Variants in PPP1R3A observed in about 807,000 individuals in gnomAD.
The protein encoded by PPP1R3A is protein phosphatase 1 regulatory subunit 3A.
PPP1R3A carries 29 observed loss-of-function variants against 41.7 expected under a neutral mutation model. The ratio of observed to expected loss-of-function variants is 0.70; its 90% CI spans 0.52 to 0.95. The LOEUF (loss-of-function observed/expected upper bound fraction) is 0.95, where lower values mean the gene tolerates loss of function less well. Among genes scored for constraint, PPP1R3A ranks in the 40% least tolerant of loss-of-function variants. The probability of loss-of-function intolerance (pLI) is 0.00; values close to 1 mark genes in which losing one functional copy is unlikely to be tolerated. For missense variants in PPP1R3A, 1,352 were observed against 1,292.4 expected, an observed-to-expected ratio of 1.05 and a Z score of -0.71; for synonymous variants, 485 against 453.4, an observed-to-expected ratio of 1.07 and a Z score of -0.89.
At chr7:113,915,573 A>G (rs1453479816) in intron 1 of PPP1R3A, among the ~76,000 whole-genome samples, 3 of 148,636 alleles carry the variant, frequency 2.0e-5, no homozygotes, top group African/African-American at 7.4e-5. Flanking sequence ...ATATACATAT[A>G]TACATACATA....
intron 1 of PPP1R3A, among the ~76,000 whole-genome samples, chr7:113,887,989 TTG>T (rs1457842642): frequency 2.0e-5 from 3 of 151,616 alleles, no homozygotes; most frequent in African/African-American, 4.8e-5. Context: ...GATTGTGCCA[TTG>T]CACTGCAGTC....
chr7:113,918,198 G>A lies in PPP1R3A; in HGVS notation c.782+17C>T, dbSNP rs1408085489. On this transcript the variant is annotated intron_variant, in intron 1 of 3. Coordinates refer to ENST00000284601, the MANE Select transcript of PPP1R3A (RefSeq NM_002711.4). ...TTTAAGATTGTGAATAATAAAATAT[G>A]TAAGATATATCCTCACCTTGATTTT... 1 of 1,569,722 alleles carries A rather than the reference G, an allele frequency of 6.4e-7. No individual in the cohort carries two copies. Among genetic ancestry groups the A allele is most frequent in the East Asian group, 2.2e-5 (1 of 44,522 alleles).
chr7:113,915,255 G>C (rs1372587681), intron 1 of PPP1R3A, among the ~76,000 whole-genome samples: 1 of 151,990 alleles, frequency 6.6e-6, no homozygotes, highest in Non-Finnish European at 1.5e-5. Flanking sequence ...AATCTCCATA[G>C]AGAAAACATA....
intron 1 of PPP1R3A, among the ~76,000 whole-genome samples, chr7:113,900,522 C>A (rs922005487): frequency 4.6e-5 from 7 of 150,944 alleles, no homozygotes; most frequent in African/African-American, 7.3e-5. Context: ...CTTTCAGAAT[C>A]ATCAATTTCC....
chr7:113,891,084 CA>C (rs11342726), intron 1 of PPP1R3A, among the ~76,000 whole-genome samples: 44,390 of 80,192 alleles, frequency 0.55, 8,034 homozygotes, highest in South Asian at 0.65. Flanking sequence ...GGAAAAAAAG[CA>C]AAAAAAAAAA....
At chr7:113,881,413 C>T (rs1796694029) in intron 3 of PPP1R3A, among the ~76,000 whole-genome samples, 1 of 151,990 alleles carries the variant, frequency 6.6e-6, no homozygotes, top group South Asian at 2.1e-4. Context: ...GATAAAAGTG[C>T]TGTATAAACC....
In PPP1R3A at chr7:113,917,438, A is replaced by AT. The variant is rs1797358790; in HGVS notation, c.782+776dup. Among the ~76,000 whole-genome samples the AT allele has an allele frequency of 2.6e-5, 4 of 152,108 alleles. No homozygotes were observed. In the East Asian group the frequency reaches 5.8e-4, roughly 22 times the overall value. On this transcript the variant is annotated intron_variant, in intron 1 of 3. Coordinates refer to ENST00000284601, the MANE Select transcript of PPP1R3A (RefSeq NM_002711.4). The stretch of plus-strand genomic sequence containing the variant: ...AGACAGCTGAATGCCAGTTTTTCTT[A>AT]TTTTTCACATTAACAAGAGAGTAAG...
chr7:113,889,305 A>G (rs1796838995), intron 1 of PPP1R3A, among the ~76,000 whole-genome samples: 1 of 152,172 alleles, frequency 6.6e-6, no homozygotes, highest in Non-Finnish European at 1.5e-5. Context: ...ATGCTTTGCT[A>G]CTATTTACAT....
chr7:113,888,269 C>T lies in PPP1R3A; in HGVS notation c.783-5949G>A, dbSNP rs552069050. Among the ~76,000 whole-genome samples, 9 of 152,078 alleles carry T rather than the reference C, an allele frequency of 5.9e-5. No individual in the cohort carries two copies. In the East Asian group the frequency reaches 1.4e-3, roughly 23 times the overall value. On this transcript the variant is annotated intron_variant, in intron 1 of 3. Transcript: ENST00000284601. ...ACGTGGTCAGATTTACATTTACCAA[C>T]GTATTTCTGGAGGTAATGTAGAGGA...
At chr7:113,881,115 G>A (rs933413214) in intron 3 of PPP1R3A, among the ~76,000 whole-genome samples, 3 of 152,044 alleles carry the variant, frequency 2.0e-5, no homozygotes, top group African/African-American at 7.2e-5. Context: ...TTCAGCTGGT[G>A]AGAATTCTCA....
intron 1 of PPP1R3A, among the ~76,000 whole-genome samples, chr7:113,913,727 C>A (rs1467403859): frequency 6.6e-6 from 1 of 152,074 alleles, no homozygotes; most frequent in Non-Finnish European, 1.5e-5. Flanking sequence ...AGGGAGACCA[C>A]CCCCCAGGCC....
Position 113,878,175 on chromosome 7 carries a change from G to A in PPP1R3A, c.2917C>T (p.Pro973Ser). The A allele has an allele frequency of 6.2e-7, 1 of 1,613,158 alleles. No homozygotes were observed. Among genetic ancestry groups the A allele is most frequent in the Non-Finnish European group, 8.5e-7 (1 of 1,179,592 alleles). ...CCTGAACTTCTGGAAACTTCTTCAG[G>A]TTTAGACTCAGGATAAGGGTGCTTC... ...IEKHPYPESK[P>S]EEVSRSSGIV... Residue 973 changes from proline (P) to serine (S), a missense_variant, in exon 4 of 4, where the codon CCT (proline) becomes TCT (serine). Pro to Ser is a moderately conservative substitution (Grantham distance 74, BLOSUM62 -1). Coordinates refer to ENST00000284601, the MANE Select transcript of PPP1R3A (RefSeq NM_002711.4).
At chr7:113,916,578 G>A (rs567023116) in intron 1 of PPP1R3A, among the ~76,000 whole-genome samples, 1 of 152,092 alleles carries the variant, frequency 6.6e-6, no homozygotes, top group South Asian at 2.1e-4. Context: ...AGAAAAATCC[G>A]CTGAGTTCAA....
chr7:113,881,541 C>T (rs937275935), intron 3 of PPP1R3A, among the ~76,000 whole-genome samples: 3 of 151,892 alleles, frequency 2.0e-5, no homozygotes, highest in African/African-American at 7.3e-5. Context: ...ATGGCACAGG[C>T]TATTTTCTTT....
intron 1 of PPP1R3A, among the ~76,000 whole-genome samples, chr7:113,900,666 A>G (rs1797046830): frequency 6.7e-6 from 1 of 148,664 alleles, no homozygotes; most frequent in Non-Finnish European, 1.5e-5. Flanking sequence ...TACATATTAT[A>G]TATAGCACTT....
intron 1 of PPP1R3A, among the ~76,000 whole-genome samples, chr7:113,895,784 A>G (rs59646835): frequency 0.15 from 22,248 of 151,906 alleles, 2,147 homozygotes; most frequent in East Asian, 0.31. Context: ...ATTAAACTGG[A>G]TTTGTATTTA....
intron 3 of PPP1R3A, 82 bp downstream of exon 3, chr7:113,881,957 C>T: frequency 5.3e-6 from 8 of 1,508,554 alleles, no homozygotes; most frequent in Non-Finnish European, 7.4e-6. Flanking sequence ...TTAGTTGAAG[C>T]TATTGAAAGG....
Position 113,879,273 on chromosome 7 carries a change from C to T in PPP1R3A, c.1819G>A (p.Gly607Ser), listed in dbSNP as rs1437902068. 2 of 1,613,556 alleles carry T rather than the reference C, an allele frequency of 1.2e-6. No individual in the cohort carries two copies. Among genetic ancestry groups the T allele is most frequent in the African/African-American group, 2.7e-5 (2 of 74,876 alleles). Residue 607 changes from glycine to serine, a missense_variant, in exon 4 of 4, where the codon GGC (glycine) becomes AGC (serine). Coordinates refer to ENST00000284601, the MANE Select transcript of PPP1R3A (RefSeq NM_002711.4). ...TPEHHHLTSE[G>S]SALGGITGQV... ...CCAGTTATCCCTCCTAAAGCGCTGCCTTCACTAGTCAAATGATGATGCTCT... is the reference window on the plus strand; with the variant it reads ...CCAGTTATCCCTCCTAAAGCGCTGCTTTCACTAGTCAAATGATGATGCTCT...
chr7:113,880,045 A>G lies in PPP1R3A; in HGVS notation c.1047T>C (p.Phe349=). The G allele has an allele frequency of 6.2e-7, 1 of 1,610,878 alleles. No homozygotes were observed. Among genetic ancestry groups the G allele is most frequent in the Non-Finnish European group, 8.5e-7 (1 of 1,177,506 alleles). ...RNTFSTDPVN[F]PNKAEGLEKK... is the part of the protein sequence containing the mutation. ...TCTCTAACCCCTCTGCTTTATTTGGAAAATTGACTGGATCTGTTGAAAATG... is the reference window on the plus strand; with the variant it reads ...TCTCTAACCCCTCTGCTTTATTTGGGAAATTGACTGGATCTGTTGAAAATG... Residue 349 remains phenylalanine, a synonymous_variant, in exon 4 of 4, where the codon TTT becomes TTC. Coordinates refer to ENST00000284601, the MANE Select transcript of PPP1R3A (RefSeq NM_002711.4).
Sources: gnomAD v4.1 joint callset for allele counts (sites outside exome capture counted in the v4.1 genomes callset) on GRCh38, gnomAD v4.1.1 for gene constraint, MANE v1.5 for transcripts, NCBI Gene and HGNC (gene_info 2026-07-23, HGNC 2026-07-21) for gene names.